The following OTUD5 variants were observed in gnomAD, a reference collection of about 807,000 sequenced individuals.
OTUD5 encodes OTU domain-containing protein 5.
Under a neutral mutation model 36.3 loss-of-function variants are expected in OTUD5, and 2 were observed. The ratio of observed to expected loss-of-function variants is 0.06; its 90% CI spans 0.02 to 0.17. The LOEUF is 0.17. Among genes scored for constraint, OTUD5 ranks in the 10% least tolerant of loss-of-function variants. The pLI is 1.00. For synonymous variants in OTUD5, 234 were observed against 214.9 expected (o/e 1.09, Z -0.78); for missense variants, 233 against 512.3 (o/e 0.45, Z 5.26).
At chrX:48,935,072 C>G (rs1184960174) in intron 2 of OTUD5, 54 bp from the exon 3 acceptor site, 11 of 1,065,757 alleles carry the variant, frequency 1.0e-5, no homozygotes, top group Non-Finnish European at 1.4e-5. Context: ...GAGAAGAGCT[C>G]TGAATCATAG....
rs2064264009 is a variant in OTUD5, at chrX:48,957,263, C to G, written c.308G>C (p.Cys103Ser). 9.1e-7 allele frequency: 1 copy of G among 1,103,577 alleles called. No homozygotes were observed. Among genetic ancestry groups the G allele is most frequent in the East Asian group, 3.9e-5 (1 of 25,939 alleles). 90.9% of individuals were successfully genotyped at this position (1,103,577 alleles called of 1,213,427 possible). A position where few individuals can be genotyped will look rare whatever the true frequency, so the allele number is the denominator to read the frequency against. Residue 103 changes from cysteine (C) to serine (S), a missense_variant, in exon 1 of 9, where the codon TGC (cysteine) becomes TCC (serine). By Grantham distance (112) the Cys-to-Ser change is moderately radical. Around this residue, in one of 3 missense-constraint regions of OTUD5, gnomAD observed 155 missense variants for 217.2 expected, o/e 0.71. Transcript: ENST00000376488. ...PRPQQASPPP[C>S]GGPGGPGGGP... is the part of the protein sequence containing the mutation. ...GCCGCCGGGACCACCTGGGCCCCCG[C>G]AAGGAGGTGGAGAAGCCTGTTGTGG...
chrX:48,931,740 T>C (rs1203293411), intron 5 of OTUD5, among the ~76,000 whole-genome samples: 4 of 104,086 alleles, frequency 3.8e-5, no homozygotes, highest in Non-Finnish European at 7.8e-5. Context: ...GATCGCCTCA[T>C]TGCACTCCAG....
chrX:48,927,387 A>G (rs2063683636), intron 5 of OTUD5, among the ~76,000 whole-genome samples: 1 of 111,484 alleles, frequency 9.0e-6, no homozygotes, highest in Admixed American at 9.5e-5. Flanking sequence ...GCTCAGTCCC[A>G]CAAGACTCCC....
At chrX:48,954,255 C>T (rs1383140531) in intron 1 of OTUD5, among the ~76,000 whole-genome samples, 3 of 110,865 alleles carry the variant, frequency 2.7e-5, no homozygotes, top group African/African-American at 9.8e-5. Flanking sequence ...GCCACTATGC[C>T]CGGCTTACTC....
chrX:48,950,565 T>C (rs1360519164), intron 1 of OTUD5, among the ~76,000 whole-genome samples: 8 of 91,411 alleles, frequency 8.8e-5, no homozygotes, highest in African/African-American at 3.3e-4. Flanking sequence ...TTTTTTGAGA[T>C]GGAGTCTCGC....
At chrX:48,947,414 G>GT (rs1463126617) in intron 1 of OTUD5, among the ~76,000 whole-genome samples, 1 of 109,723 alleles carries the variant, frequency 9.1e-6, no homozygotes, top group East Asian at 2.9e-4. Context: ...AAGAAACACA[G>GT]TCATTGGGCC....
chrX:48,953,944 G>T (rs2147684561), intron 1 of OTUD5, among the ~76,000 whole-genome samples: 1 of 110,570 alleles, frequency 9.0e-6, no homozygotes, highest in African/African-American at 3.3e-5. Flanking sequence ...GACAGTTTAG[G>T]ACCAAGACTG....
Position 48,923,686 on chromosome X carries a change from T to C in OTUD5, c.1526A>G (p.Tyr509Cys). The C allele has an allele frequency of 8.3e-7, 1 of 1,208,878 alleles. No homozygotes were observed. Among genetic ancestry groups the C allele is most frequent in the East Asian group, 3.0e-5 (1 of 33,781 alleles). The change falls in exon 8 of 9, where the codon TAC (tyrosine) becomes TGC (cysteine). Residue 509 changes from tyrosine (Y) to cysteine (C), a missense_variant. Around this residue, in one of 3 missense-constraint regions of OTUD5, gnomAD observed 57 missense variants for 133.1 expected, o/e 0.43. Transcript: ENST00000376488. ...DRATSPLVSL[Y>C]PALECRALIQ... ...GAGGGCCCGGCACTCCAAAGCAGGG[T>C]AGAGGGACACAAGGGGGGAAGTTGC... is the stretch of plus-strand genomic sequence containing the variant.
chrX:48,936,198 T>G (rs1295813181), intron 2 of OTUD5: 1 of 110,476 alleles, frequency 9.1e-6, no homozygotes, highest in African/African-American at 3.3e-5. Flanking sequence ...AACTTTAGCT[T>G]AACTCAGGAT....
In OTUD5 at chrX:48,957,288, G is replaced by A; in HGVS notation, c.283C>T (p.Pro95Ser). ...CAAGGAGGTGGAGAAGCCTGTTGTGGCCGGGGACCCGCCACTGCACCAGGC... is the reference window on the plus strand; with the variant it reads ...CAAGGAGGTGGAGAAGCCTGTTGTGACCGGGGACCCGCCACTGCACCAGGC... ...VPPGAVAGPR[P>S]QQASPPPCGG... The change falls in exon 1 of 9, where the codon CCA becomes TCA. Residue 95 changes from proline (P) to serine (S), a missense_variant. Transcript: ENST00000376488. 9.0e-6 allele frequency: 10 copies of A among 1,114,746 alleles called. No homozygotes were observed. Among genetic ancestry groups the A allele is most frequent in the Non-Finnish European group, 1.2e-5 (10 of 855,948 alleles). The allele number at this position is 1,114,746 out of a possible 1,213,427, so 91.9% of individuals were successfully genotyped here.
chrX:48,926,155 A>G (rs1345533778), intron 5 of OTUD5, 105 bp from the exon 6 acceptor site: 1 of 574,872 alleles, frequency 1.7e-6, no homozygotes, highest in Non-Finnish European at 2.8e-6. Context: ...AAAAAAAAGG[A>G]GACAGGAAAG....
In OTUD5 at chrX:48,922,916, G is replaced by A; in HGVS notation, c.*258C>T. The A allele has an allele frequency of 1.0e-6, 1 of 998,003 alleles. No individual in the cohort carries two copies. Among genetic ancestry groups the A allele is most frequent in the Non-Finnish European group, 1.3e-6 (1 of 786,896 alleles). 82.2% of individuals were successfully genotyped at this position (998,003 alleles called of 1,213,427 possible). A position where few individuals can be genotyped will look rare whatever the true frequency, so the allele number is the denominator to read the frequency against. Reference sequence around the variant, plus strand: ...GGCACCCTTGCCCGAGTCCCCTGTGGAATGCAGGGATGGTTCTGTGCGGGA... The same window carrying A: ...GGCACCCTTGCCCGAGTCCCCTGTGAAATGCAGGGATGGTTCTGTGCGGGA... On this transcript the variant is annotated 3_prime_UTR_variant, in exon 9 of 9. Coordinates refer to ENST00000376488, the MANE Select transcript of OTUD5 (RefSeq NM_001136157.2).
Position 48,957,095 on chromosome X carries a change from C to G in OTUD5, c.476G>C (p.Gly159Ala). The G allele has an allele frequency of 8.5e-7, 1 of 1,179,274 alleles. No homozygotes were observed. Among genetic ancestry groups the G allele is most frequent in the East Asian group, 3.2e-5 (1 of 31,596 alleles). ...SKRRRQAPGV[G>A]AVGGGSPERE... ...CTCGGGACTGCCCCCGCCAACCGCGCCAACCCCGGGAGCTTGACGTCGCCG... is the reference window on the plus strand; with the variant it reads ...CTCGGGACTGCCCCCGCCAACCGCGGCAACCCCGGGAGCTTGACGTCGCCG... The change falls in exon 1 of 9, where the codon GGC becomes GCC. Residue 159 changes from glycine (G) to alanine (A), a missense_variant. Gly to Ala is a moderately conservative substitution (Grantham distance 60). Transcript: ENST00000376488.
intron 5 of OTUD5, among the ~76,000 whole-genome samples, chrX:48,928,044 T>A (rs1325836640): frequency 1.8e-5 from 2 of 112,839 alleles, no homozygotes; most frequent in African/African-American, 3.2e-5. Context: ...CATTTGCCAA[T>A]AGGCAACTGC....
chrX:48,947,718 A>G (rs2064057009), intron 1 of OTUD5, among the ~76,000 whole-genome samples: 1 of 110,229 alleles, frequency 9.1e-6, no homozygotes, highest in South Asian at 3.8e-4. Flanking sequence ...AAAAAAAAAA[A>G]AAAGAAAAAA....
At chrX:48,942,477 T>C (rs1399265249) in intron 2 of OTUD5, among the ~76,000 whole-genome samples, 2 of 110,818 alleles carry the variant, frequency 1.8e-5, no homozygotes, top group Non-Finnish European at 3.8e-5. Flanking sequence ...ACCCCACATC[T>C]AGCCTGAGGT....
upstream of OTUD5, chrX:48,957,701 C>T: frequency 5.0e-6 from 4 of 796,497 alleles, no homozygotes; most frequent in Non-Finnish European, 6.0e-6. Flanking sequence ...ATCGCGGCAC[C>T]GGTTCGAGAA....
rs1557048129 is a variant in OTUD5 at position 48,928,371 on chromosome X, C to A, written c.1060-2321G>T. On this transcript the variant is annotated intron_variant, in intron 5 of 8. Coordinates refer to ENST00000376488, the MANE Select transcript of OTUD5 (RefSeq NM_001136157.2). ...AAAAACTGGAAGCAACCAAGAATGT[C>A]TTTTAATAGGTGAATAATTAAACTG... 3.6e-5 allele frequency among the ~76,000 whole-genome samples: 4 copies of A among 112,132 alleles called. No homozygotes were observed. In the East Asian group the frequency reaches 1.1e-3, roughly 31 times the overall value.
At chrX:48,941,049 G>GT (rs1557050899) in intron 2 of OTUD5, among the ~76,000 whole-genome samples, 1 of 111,369 alleles carries the variant, frequency 9.0e-6, no homozygotes, top group East Asian at 2.8e-4. Flanking sequence ...CTTGGAGGAG[G>GT]TAAGGTCCAG....
Sources: gnomAD v4.1 joint callset for allele counts (sites outside exome capture counted in the v4.1 genomes callset) on GRCh38, gnomAD v4.1.1 for gene constraint, gnomAD v4.1.1 regional missense constraint, MANE v1.5 for transcripts, NCBI Gene and HGNC (gene_info 2026-07-23, HGNC 2026-07-21) for gene names.